Variants in GRIA1 observed in about 807,000 individuals in gnomAD.
GRIA1 encodes the protein glutamate receptor 1.
A neutral mutation model predicts 99.2 loss-of-function variants in GRIA1; 31 were observed. The ratio of observed to expected loss-of-function variants is 0.31; its 90% CI spans 0.23 to 0.42. The LOEUF is 0.42. Ranked by LOEUF, GRIA1 falls within the 10% of genes least tolerant of loss-of-function variation. The probability of loss-of-function intolerance (pLI) is 1.00; values close to 1 mark genes in which losing one functional copy is unlikely to be tolerated. For synonymous variants in GRIA1, 438 were observed against 432.4 expected, an observed-to-expected ratio of 1.01 and a Z score of -0.16; for missense variants, 782 against 1,157.5, an observed-to-expected ratio of 0.68 and a Z score of 4.71.
chr5:153,570,894 A>G (rs1161066247), intron 2 of GRIA1, among the ~76,000 whole-genome samples: 2 of 152,168 alleles, frequency 1.3e-5, no homozygotes, highest in Admixed American at 6.6e-5. Context: ...CTTGTTCACT[A>G]TAGATATTCA....
At chr5:153,656,340 T>C (rs1754946335) in intron 5 of GRIA1, among the ~76,000 whole-genome samples, 1 of 148,618 alleles carries the variant, frequency 6.7e-6, no homozygotes, top group African/African-American at 2.5e-5. Flanking sequence ...ATTATGTCCA[T>C]TTAGTTTATA....
intron 2 of GRIA1, among the ~76,000 whole-genome samples, chr5:153,643,449 A>T (rs1753917085): frequency 6.6e-6 from 1 of 152,238 alleles, no homozygotes; most frequent in African/African-American, 2.4e-5. Flanking sequence ...GTTGTGACAG[A>T]TTCAAAGTAG....
At chr5:153,622,112 T>C (rs1767107625) in intron 2 of GRIA1, among the ~76,000 whole-genome samples, 1 of 152,168 alleles carries the variant, frequency 6.6e-6, no homozygotes, top group Non-Finnish European at 1.5e-5. Flanking sequence ...TGGGAATATG[T>C]TAGAAATGAA....
chr5:153,544,038 A>G (rs1297386142), intron 2 of GRIA1, among the ~76,000 whole-genome samples: 1 of 152,160 alleles, frequency 6.6e-6, no homozygotes, highest in African/African-American at 2.4e-5. Flanking sequence ...GTGATATCTG[A>G]GCAGGGCCTG....
At chr5:153,758,797 C>T (rs76972940) in intron 11 of GRIA1, among the ~76,000 whole-genome samples, 3 of 151,880 alleles carry the variant, frequency 2.0e-5, no homozygotes, top group East Asian at 1.9e-4. Context: ...CAGTCTACAG[C>T]ATATATCACA....
chr5:153,557,524 G>A (rs1359223607), intron 2 of GRIA1, among the ~76,000 whole-genome samples: 1 of 152,154 alleles, frequency 6.6e-6, no homozygotes, highest in Non-Finnish European at 1.5e-5. Flanking sequence ...TGTAGTAACA[G>A]CTTAAAACAC....
intron 8 of GRIA1, among the ~76,000 whole-genome samples, chr5:153,696,628 A>G (rs1007232040): frequency 3.3e-5 from 5 of 152,320 alleles, no homozygotes; most frequent in African/African-American, 1.2e-4. Context: ...TGAAGGTGAC[A>G]TTTCAGCTGA....
intron 11 of GRIA1, among the ~76,000 whole-genome samples, chr5:153,732,473 T>C (rs1333819440): frequency 6.6e-6 from 1 of 152,144 alleles, no homozygotes; most frequent in Non-Finnish European, 1.5e-5. Flanking sequence ...CCCTGTTGAC[T>C]AGTAATGTTG....
Position 153,718,330 on chromosome 5 carries a change from G to A in GRIA1, c.1823+12263G>A, listed in dbSNP as rs188131158. ...ACTAAAATGATCTGGGCTGGCTTAT[G>A]GAAAAGGAGAAACTTGGGCTGGTCC... On this transcript the variant is annotated intron_variant, in intron 11 of 15. Transcript: ENST00000285900. Among the ~76,000 whole-genome samples the A allele has an allele frequency of 2.0e-4, 31 of 152,298 alleles. No individual in the cohort carries two copies. The East Asian group carries it at 5.6e-3, about 27-fold the overall frequency.
At chr5:153,614,836 T>C (rs148293785) in intron 2 of GRIA1, among the ~76,000 whole-genome samples, 1 of 152,326 alleles carries the variant, frequency 6.6e-6, no homozygotes, top group East Asian at 1.9e-4. Context: ...GACGCTGTGA[T>C]ATAGATCATG....
intron 10 of GRIA1, among the ~76,000 whole-genome samples, chr5:153,703,213 A>G (rs1581501602): frequency 6.6e-6 from 1 of 152,230 alleles, no homozygotes; most frequent in South Asian, 2.1e-4. Flanking sequence ...TCTTACATAC[A>G]TGGGTACCTC....
chr5:153,725,029 T>A (rs544546012), intron 11 of GRIA1, among the ~76,000 whole-genome samples: 2 of 152,216 alleles, frequency 1.3e-5, no homozygotes, highest in Admixed American at 1.3e-4. Context: ...GGGAAGCCCA[T>A]CAGACTAACA....
At chr5:153,594,079 A>G (rs1301735237) in intron 2 of GRIA1, among the ~76,000 whole-genome samples, 2 of 152,148 alleles carry the variant, frequency 1.3e-5, no homozygotes, top group Non-Finnish European at 2.9e-5. Flanking sequence ...AAAAAGTCCA[A>G]TGTTATTCTG....
chr5:153,745,558 C>T (rs548080425), intron 11 of GRIA1, among the ~76,000 whole-genome samples: 127 of 135,702 alleles, frequency 9.4e-4, no homozygotes, highest in Middle Eastern at 4.5e-3. Flanking sequence ...CACTGCACTC[C>T]AGCCTGGGCA....
In GRIA1 at chr5:153,490,801, G is replaced by C; in HGVS notation, c.-88G>C. On this transcript the variant is annotated 5_prime_UTR_variant, in exon 1 of 16. Coordinates refer to ENST00000285900, the MANE Select transcript of GRIA1 (RefSeq NM_000827.4). ...AACTGCAGGAGGAAAAGAACAGGCAGAACAGCGAGAAGAATAAAGGGAAAG... is the reference window on the plus strand; with the variant it reads ...AACTGCAGGAGGAAAAGAACAGGCACAACAGCGAGAAGAATAAAGGGAAAG... 1 of 957,748 alleles carries C rather than the reference G, an allele frequency of 1.0e-6. No homozygotes were observed. The highest frequency in any genetic ancestry group is 1.7e-6 in the Non-Finnish European group (1 of 581,314). 59.3% of individuals were successfully genotyped at this position (957,748 alleles called of 1,614,324 possible).
In GRIA1 at chr5:153,494,061, T is replaced by C. The variant is rs775520279; in HGVS notation, c.216T>C (p.Tyr72=). 2.2e-5 allele frequency: 36 copies of C among 1,613,686 alleles called. 1 individual carries two copies. The South Asian group carries it at 3.5e-4, about 16-fold the overall frequency. The part of the protein sequence containing the change: ...VNISDSFEMT[Y]RFCSQFSKGV... ...TCAGCGACAGCTTTGAGATGACCTA[T>C]AGATGTAAGTAATTGCTTCTATTTC... Residue 72 remains tyrosine (Y), a synonymous_variant, in exon 2 of 16, where the codon TAT becomes TAC. Transcript: ENST00000285900.
intron 11 of GRIA1, among the ~76,000 whole-genome samples, chr5:153,749,200 T>C (rs1762350382): frequency 6.6e-6 from 1 of 152,172 alleles, no homozygotes; most frequent in South Asian, 2.1e-4. Context: ...ATCATCATTA[T>C]GAGTAACATC....
At chr5:153,690,248 G>C (rs72802676) in intron 8 of GRIA1, among the ~76,000 whole-genome samples, 1 of 150,518 alleles carries the variant, frequency 6.6e-6, no homozygotes, top group Non-Finnish European at 1.5e-5. Context: ...GGAAGTAAAA[G>C]GAATACAAAT....
intron 2 of GRIA1, among the ~76,000 whole-genome samples, chr5:153,624,469 C>A (rs2149426669): frequency 6.6e-6 from 1 of 152,296 alleles, no homozygotes; most frequent in Admixed American, 6.5e-5. Context: ...TCTCACTGAT[C>A]CTCCTCCCCT....
Sources: gnomAD v4.1 joint callset for allele counts (sites outside exome capture counted in the v4.1 genomes callset) on GRCh38, gnomAD v4.1.1 for gene constraint, MANE v1.5 for transcripts, NCBI Gene and HGNC (gene_info 2026-07-23, HGNC 2026-07-21) for gene names.